Variants in DNAH7 observed in about 807,000 individuals in gnomAD.
DNAH7 encodes the protein dynein axonemal heavy chain 7.
DNAH7 carries 397 observed loss-of-function variants against 444.6 expected under a neutral mutation model. The ratio of observed to expected loss-of-function variants is 0.89; its 90% confidence interval spans 0.82 to 0.97. The LOEUF is 0.97. Ranked by LOEUF, DNAH7 falls within the 50% of genes least tolerant of loss-of-function variation. The pLI is 0.00. For synonymous variants in DNAH7, 1,636 were observed against 1,624.4 expected (o/e 1.01, Z -0.17); for missense variants, 4,902 against 4,800.8 (o/e 1.02, Z -0.62).
chr2:196,048,440 T>C (rs377603749), intron 3 of DNAH7, 36 bp from the exon 4 acceptor site: 19 of 1,580,878 alleles, frequency 1.2e-5, no homozygotes, highest in South Asian at 2.2e-5. Context: ...TAACAAACAA[T>C]ATCAGAAAAA....
intron 54 of DNAH7, among the ~76,000 whole-genome samples, chr2:195,801,393 T>C (rs1696447160): frequency 6.6e-6 from 1 of 152,158 alleles, no homozygotes. Flanking sequence ...CACAGAATAT[T>C]GTGAACACTA....
intron 61 of DNAH7, among the ~76,000 whole-genome samples, chr2:195,769,053 A>G (rs887097749): frequency 6.6e-6 from 1 of 152,190 alleles, no homozygotes; most frequent in East Asian, 1.9e-4. Flanking sequence ...TTGGTCACAG[A>G]TATCATGTCA....
chr2:195,764,158 T>C (rs1393122466), intron 61 of DNAH7, among the ~76,000 whole-genome samples: 1 of 151,834 alleles, frequency 6.6e-6, no homozygotes, highest in Admixed American at 6.6e-5. Context: ...CAATTGATAC[T>C]GAAAAAGCAT....
chr2:195,866,879 C>T (rs1485043712), intron 40 of DNAH7, among the ~76,000 whole-genome samples: 2 of 152,072 alleles, frequency 1.3e-5, no homozygotes, highest in Non-Finnish European at 2.9e-5. Context: ...GGGTCTTTCC[C>T]GTGCTGTTCT....
chr2:195,979,697 AAAC>A (rs1381373379), intron 15 of DNAH7, among the ~76,000 whole-genome samples: 1 of 152,144 alleles, frequency 6.6e-6, no homozygotes, highest in African/African-American at 2.4e-5. Flanking sequence ...ATGAAAAGCT[AAAC>A]AACATTGACA....
chr2:195,882,225 C>T (rs918992327), intron 35 of DNAH7, among the ~76,000 whole-genome samples: 2 of 152,156 alleles, frequency 1.3e-5, no homozygotes, highest in African/African-American at 4.8e-5. Context: ...TTTTTTGATG[C>T]TCTGAAATCA....
At chr2:195,789,578 G>C (rs1695779724) in intron 57 of DNAH7, among the ~76,000 whole-genome samples, 1 of 152,022 alleles carries the variant, frequency 6.6e-6, no homozygotes, top group East Asian at 1.9e-4. Flanking sequence ...ATTATTCCTG[G>C]CAAAGGAGAA....
At chr2:196,025,747 T>G (rs1202132802) in intron 7 of DNAH7, among the ~76,000 whole-genome samples, 1 of 152,206 alleles carries the variant, frequency 6.6e-6, no homozygotes, top group Non-Finnish European at 1.5e-5. Flanking sequence ...CACTATGAAC[T>G]CTGAGGGCAG....
chr2:195,983,737 G>A (rs749749845), intron 15 of DNAH7, among the ~76,000 whole-genome samples: 1 of 152,146 alleles, frequency 6.6e-6, no homozygotes, highest in African/African-American at 2.4e-5. Flanking sequence ...TATTTTCAGT[G>A]TCATAAATTC....
chr2:195,939,617 G>T (rs1689286534), intron 19 of DNAH7, among the ~76,000 whole-genome samples: 1 of 152,140 alleles, frequency 6.6e-6, no homozygotes. Context: ...TCCTAAAGGG[G>T]AAGAATTGAA....
intron 46 of DNAH7, among the ~76,000 whole-genome samples, chr2:195,852,911 C>CAG (rs1490757777): frequency 5.6e-5 from 7 of 125,928 alleles, no homozygotes; most frequent in African/African-American, 1.3e-4. Context: ...CACACACACA[C>CAG]ACACAGAGAG....
intron 57 of DNAH7, 37 bp from the exon 58 acceptor site, chr2:195,787,208 C>A: frequency 6.4e-7 from 1 of 1,556,240 alleles, no homozygotes; most frequent in Non-Finnish European, 8.7e-7. Context: ...TCATTATTTT[C>A]TCCATATATT....
chr2:195,900,225 TTAGG>T, intron 28 of DNAH7, 53 bp downstream of exon 28: 1 of 1,564,612 alleles, frequency 6.4e-7, no homozygotes, highest in Non-Finnish European at 8.8e-7. Flanking sequence ...TGAAGACCCA[TTAGG>T]CTGGAAATCT....
chr2:195,754,224 G>A, intron 63 of DNAH7, 113 bp downstream of exon 63: 1 of 1,159,474 alleles, frequency 8.6e-7, no homozygotes, highest in East Asian at 2.5e-5. Context: ...GGCATTTAAG[G>A]TAAATTACAT....
At chr2:195,778,631 AATAAATAAAT>A (rs1435094628) in intron 58 of DNAH7, among the ~76,000 whole-genome samples, 2 of 20,666 alleles carry the variant, frequency 9.7e-5, no homozygotes, top group Non-Finnish European at 2.0e-4. Flanking sequence ...AAAAAAAAAA[AATAAATAAAT>A]AAATATATAT....
intron 19 of DNAH7, among the ~76,000 whole-genome samples, chr2:195,938,316 C>T (rs554976327): frequency 2.4e-4 from 36 of 147,592 alleles, no homozygotes; most frequent in African/African-American, 9.0e-4. Flanking sequence ...TTTTATTATG[C>T]TTCTTGTTTT....
chr2:196,019,098 G>T (rs1695207538), intron 9 of DNAH7, 72 bp downstream of exon 9: 2 of 1,316,696 alleles, frequency 1.5e-6, no homozygotes, highest in Non-Finnish European at 9.9e-7. Context: ...AATAGTAAAA[G>T]AAATAATTAA....
rs1271382845 is a variant in DNAH7 at position 195,976,784 on chromosome 2, A to AGAGAGAGAGG, written c.1834-4319_1834-4318insCCTCTCTCTC. On this transcript the variant is annotated intron_variant, in intron 15 of 64. Transcript: ENST00000312428. ...GAGAGAGAGAGAGAGAGAGAGAGAG[A>AGAGAGAGAGG]GAGACTCTCTAATTATTTGGGAGAA... 5.3e-4 allele frequency among the ~76,000 whole-genome samples: 78 copies of AGAGAGAGAGG among 146,128 alleles called. 1 individual carries two copies. The highest frequency in any genetic ancestry group is 9.2e-4 in the Non-Finnish European group (62 of 67,272).
chr2:195,810,078 G>GTT (rs952412961), intron 51 of DNAH7, among the ~76,000 whole-genome samples: 1 of 145,458 alleles, frequency 6.9e-6, no homozygotes, highest in African/African-American at 2.5e-5. Flanking sequence ...TGTGGACTGA[G>GTT]TTTTTTTTTT....
Sources: gnomAD v4.1 joint callset for allele counts (sites outside exome capture counted in the v4.1 genomes callset) on GRCh38, gnomAD v4.1.1 for gene constraint, MANE v1.5 for transcripts, NCBI Gene and HGNC (gene_info 2026-07-23, HGNC 2026-07-21) for gene names.